The following NHERF4 variants were observed in gnomAD, a reference collection of about 807,000 sequenced individuals.
NHERF4 encodes Na(+)/H(+) exchange regulatory cofactor NHE-RF4.
the NHERF4 span, chr11:119,190,091 G>C: frequency 1.7e-5 from 9 of 537,910 alleles, no homozygotes; most frequent in African/African-American, 1.7e-4. The surrounding 1 kb of genome is among the most constrained non-coding windows in gnomAD (Gnocchi z 4.2). Context: ...ATCAATCACT[G>C]AATCTCAGGG....
At chr11:119,188,998 A>C in the NHERF4 span, 45 of 1,613,778 alleles carry the variant, frequency 2.8e-5, no homozygotes, top group East Asian at 4.5e-5. Context: ...TGCCCCCACA[A>C]CACCAGGTGA....
chr11:119,189,157 C>A, the NHERF4 span: 1 of 1,613,430 alleles, frequency 6.2e-7, no homozygotes, highest in Non-Finnish European at 8.5e-7. This position sits in a 1 kb window ranked among gnomAD's most constrained non-coding sequence, Gnocchi z 5.8. Flanking sequence ...AGCTGGCAGC[C>A]AGGTCTCTGC....
At chr11:119,190,066 T>G in the NHERF4 span, 3 of 507,922 alleles carry the variant, frequency 5.9e-6, no homozygotes, top group African/African-American at 1.9e-5. The surrounding 1 kb of genome is among the most constrained non-coding windows in gnomAD (Gnocchi z 4.2). Flanking sequence ...TGAGACCTGG[T>G]CAAATTTATT....
the NHERF4 span, chr11:119,188,297 T>A: frequency 6.2e-7 from 1 of 1,605,028 alleles, no homozygotes; most frequent in Admixed American, 1.7e-5. Context: ...AGTCCCCTGG[T>A]GTGTACACAG....
At chr11:119,189,449 C>T in the NHERF4 span, 1 of 1,614,050 alleles carries the variant, frequency 6.2e-7, no homozygotes, top group East Asian at 2.2e-5. The surrounding 1 kb of genome is among the most constrained non-coding windows in gnomAD (Gnocchi z 5.8). Context: ...CTTCTACCTC[C>T]TCTCTCTGTA....
the NHERF4 span, chr11:119,187,374 CT>C: frequency 6.2e-7 from 1 of 1,613,916 alleles, no homozygotes; most frequent in South Asian, 1.1e-5. Context: ...ATGCCCACCT[CT>C]GTCCCACCCT....
chr11:119,185,896 C>A, the NHERF4 span: 1 of 1,614,076 alleles, frequency 6.2e-7, no homozygotes, highest in Non-Finnish European at 8.5e-7. Flanking sequence ...TGTGACTCTC[C>A]TCCTCTCACC....
chr11:119,187,331 C>T, the NHERF4 span: 2 of 1,613,336 alleles, frequency 1.2e-6, no homozygotes, highest in African/African-American at 2.7e-5. Context: ...GCACGGCATG[C>T]ACATGACGTG....
the NHERF4 span, chr11:119,186,489 C>G: frequency 1.9e-6 from 3 of 1,614,136 alleles, no homozygotes; most frequent in South Asian, 2.2e-5. The surrounding 1 kb of genome is among the most constrained non-coding windows in gnomAD (Gnocchi z 4.4). Context: ...ATCCCTGGAG[C>G]CTGGAGCGGC....
chr11:119,189,290 A>G, the NHERF4 span: 9 of 1,513,694 alleles, frequency 5.9e-6, no homozygotes, highest in South Asian at 2.4e-5. This position sits in a 1 kb window ranked among gnomAD's most constrained non-coding sequence, Gnocchi z 5.8. Context: ...GGCGAGGTAC[A>G]AGGTGAAGCC....
the NHERF4 span, chr11:119,187,303 G>A: frequency 6.2e-7 from 1 of 1,611,194 alleles, no homozygotes; most frequent in East Asian, 2.2e-5. Context: ...CAGCCCTCGG[G>A]TGTTGCTGAC....
the NHERF4 span, chr11:119,186,237 C>T: frequency 1.9e-6 from 3 of 1,613,966 alleles, no homozygotes; most frequent in Non-Finnish European, 2.5e-6. This position sits in a 1 kb window ranked among gnomAD's most constrained non-coding sequence, Gnocchi z 4.4. Context: ...CCTCCGATCT[C>T]CTTGGTAACC....
At chr11:119,185,906 C>G in the NHERF4 span, 1 of 1,614,076 alleles carries the variant, frequency 6.2e-7, no homozygotes, top group Non-Finnish European at 8.5e-7. Flanking sequence ...CTCCTCTCAC[C>G]CACTTCTTTG....
the NHERF4 span, chr11:119,188,473 A>T: frequency 6.2e-7 from 1 of 1,611,508 alleles, no homozygotes; most frequent in Non-Finnish European, 8.5e-7. Context: ...ATGAGGAGAC[A>T]GTGTCCAGGA....
chr11:119,188,371 G>T, the NHERF4 span: 1 of 1,614,046 alleles, frequency 6.2e-7, no homozygotes, highest in Non-Finnish European at 8.5e-7. Context: ...TCCTGTGGGA[G>T]GTGGACCCGG....
At chr11:119,187,265 T>C in the NHERF4 span, 1 of 1,590,204 alleles carries the variant, frequency 6.3e-7, no homozygotes, top group Non-Finnish European at 8.6e-7. Flanking sequence ...GTGCCCTCTG[T>C]CCAGGTGGTA....
At chr11:119,188,895 C>A in the NHERF4 span, 2 of 1,610,898 alleles carry the variant, frequency 1.2e-6, no homozygotes, top group South Asian at 2.2e-5. Flanking sequence ...GATCTTGAAT[C>A]CCTTCGATCC....
chr11:119,185,892 T>C, the NHERF4 span: 119 of 1,613,982 alleles, frequency 7.4e-5, no homozygotes, highest in Non-Finnish European at 9.7e-5. Flanking sequence ...AGAATGTGAC[T>C]CTCCTCCTCT....
chr11:119,186,008 C>T, the NHERF4 span: 1 of 1,613,962 alleles, frequency 6.2e-7, no homozygotes, highest in Non-Finnish European at 8.5e-7. This position sits in a 1 kb window ranked among gnomAD's most constrained non-coding sequence, Gnocchi z 4.4. Context: ...CAGCGAAGCG[C>T]TTCACTGCCA....
Sources: gnomAD v4.1 joint callset for allele counts on GRCh38, gnomAD v4.1.1 for gene constraint, Gnocchi (gnomAD v3.1) non-coding constraint, MANE v1.5 for transcripts, NCBI Gene and HGNC (gene_info 2026-07-23, HGNC 2026-07-21) for gene names.